The following ABLIM2 variants were observed in gnomAD, a reference collection of about 807,000 sequenced individuals.
The protein encoded by ABLIM2 is actin binding LIM protein family member 2, also known as actin-binding LIM protein 2.
Under a neutral mutation model 97.7 loss-of-function variants are expected in ABLIM2, and 53 were observed. That is an observed-to-expected ratio of 0.54 (90% CI 0.44 to 0.68). ABLIM2 has a LOEUF of 0.68. Ranked by LOEUF, ABLIM2 falls within the 30% of genes least tolerant of loss-of-function variation. The probability of loss-of-function intolerance (pLI) is 0.00; values close to 1 mark genes in which losing one functional copy is unlikely to be tolerated. For missense variants in ABLIM2, 835 were observed against 867.2 expected, an observed-to-expected ratio of 0.96 and a Z score of 0.47; for synonymous variants, 361 against 345.8, an observed-to-expected ratio of 1.04 and a Z score of -0.49.
At position 8,044,017 on chromosome 4, in the gene ABLIM2, C is replaced by T. The variant is rs575854546; in HGVS notation, c.900+1147G>A. 1.8e-4 allele frequency among the ~76,000 whole-genome samples: 27 copies of T among 152,306 alleles called. No homozygotes were observed. The East Asian group carries it at 4.3e-3, about 24-fold the overall frequency. On this transcript the variant is annotated intron_variant, in intron 9 of 20. Transcript: ENST00000447017. The surrounding 1 kb of genome is among the most constrained non-coding windows in gnomAD (Gnocchi z 4.4). ...CCACTCACTCTCCAGGCCAGCAGTG[C>T]GTCATGGTAACTGAGGACTCGTGCA... is the stretch of plus-strand genomic sequence containing the variant.
chr4:8,029,826 A>C (rs1033655873), intron 10 of ABLIM2, 50 bp from the exon 11 acceptor site: 3 of 1,538,630 alleles, frequency 1.9e-6, no homozygotes, highest in Non-Finnish European at 2.6e-6. Context: ...AGCACTTCCC[A>C]CCCCTTGTCC....
rs1845866923 is a variant in ABLIM2 at position 8,122,353 on chromosome 4, G to A, written c.11-15716C>T. 6.6e-6 allele frequency among the ~76,000 whole-genome samples: 1 copy of A among 152,158 alleles called. No homozygotes were observed. Among genetic ancestry groups the A allele is most frequent in the South Asian group, 2.1e-4 (1 of 4,832 alleles). On this transcript the variant is annotated intron_variant, in intron 1 of 20. Transcript: ENST00000447017. The surrounding 1 kb of genome is among the most constrained non-coding windows in gnomAD (Gnocchi z 4.1). ...ACACCCTCTGTCCTGGTCCATGTGG[G>A]CTGCCAGAACAATACCAGATGTGGT...
chr4:8,010,255 G>C (rs1242130518), intron 14 of ABLIM2, among the ~76,000 whole-genome samples: 2 of 152,202 alleles, frequency 1.3e-5, no homozygotes, highest in African/African-American at 2.4e-5. Flanking sequence ...AATCACACAA[G>C]GCCATGCTGA....
rs943990713 is a variant in ABLIM2 at position 8,083,582 on chromosome 4, G to A, written c.455-2780C>T. Among the ~76,000 whole-genome samples the A allele has an allele frequency of 6.6e-6, 1 of 152,196 alleles. No individual in the cohort carries two copies. The highest frequency in any genetic ancestry group is 2.4e-5 in the African/African-American group (1 of 41,454). The stretch of plus-strand genomic sequence containing the variant: ...CCTCATTCTCCTATCAGCAGTACAC[G>A]TGGAGATGAGAGCAAGGTGCAAAAG... On this transcript the variant is annotated intron_variant, in intron 4 of 20. Transcript: ENST00000447017. The surrounding 1 kb of genome is among the most constrained non-coding windows in gnomAD (Gnocchi z 4.6).
rs563410885 is a variant in ABLIM2 at position 7,970,919 on chromosome 4, G to A, written c.1825-3816C>T. ...AGGACTTGGGGCCAGGGGTCTAGGG[G>A]GCTGACAGGGACCACCTCCCCGCAG... On this transcript the variant is annotated intron_variant, in intron 20 of 20. Coordinates refer to ENST00000447017, the MANE Select transcript of ABLIM2 (RefSeq NM_001130083.2). The surrounding 1 kb of genome is among the most constrained non-coding windows in gnomAD (Gnocchi z 5.3). Among the ~76,000 whole-genome samples, 324 of 152,158 alleles carry A rather than the reference G, an allele frequency of 2.1e-3. 2 individuals carry two copies. Among genetic ancestry groups the A allele is most frequent in the Non-Finnish European group, 3.8e-3 (260 of 67,968 alleles).
intron 8 of ABLIM2, among the ~76,000 whole-genome samples, chr4:8,053,715 G>A (rs546878774): frequency 2.2e-4 from 33 of 152,274 alleles, no homozygotes; most frequent in South Asian, 4.2e-4. Context: ...GAGGTGGGGC[G>A]TTTGGGAAGT....
intron 4 of ABLIM2, among the ~76,000 whole-genome samples, chr4:8,084,171 G>A (rs1009712438): frequency 1.3e-5 from 2 of 152,238 alleles, no homozygotes; most frequent in Non-Finnish European, 2.9e-5. Flanking sequence ...TTAGGAACCT[G>A]TACTGAGGAA....
At chr4:8,133,067 C>T (rs1169633322) in intron 1 of ABLIM2, among the ~76,000 whole-genome samples, 5 of 152,180 alleles carry the variant, frequency 3.3e-5, no homozygotes, top group African/African-American at 1.2e-4. Context: ...CTGGCCTCTT[C>T]CCGCTTCTGC....
chr4:8,042,678 A>G (rs1403985839), intron 9 of ABLIM2, among the ~76,000 whole-genome samples: 1 of 152,118 alleles, frequency 6.6e-6, no homozygotes, highest in African/African-American at 2.4e-5. Context: ...CGTCTCTACT[A>G]AAAATACAAA....
At position 8,113,675 on chromosome 4, in the gene ABLIM2, A is replaced by G. The variant is rs1841417192; in HGVS notation, c.11-7038T>C. On this transcript the variant is annotated intron_variant, in intron 1 of 20. Coordinates refer to ENST00000447017, the MANE Select transcript of ABLIM2 (RefSeq NM_001130083.2). This position sits in a 1 kb window ranked among gnomAD's most constrained non-coding sequence, Gnocchi z 4.5. ...TCATCGGAGGCCCGCTCCATCCGCC[A>G]AGATGATTTCAGAAAGCTCCCCGTC... is the stretch of plus-strand genomic sequence containing the variant. 6.6e-6 allele frequency among the ~76,000 whole-genome samples: 1 copy of G among 152,202 alleles called. No homozygotes were observed. The highest frequency in any genetic ancestry group is 2.4e-5 in the African/African-American group (1 of 41,448).
intron 7 of ABLIM2, among the ~76,000 whole-genome samples, chr4:8,055,704 G>A (rs1409231225): frequency 3.9e-5 from 6 of 152,330 alleles, no homozygotes; most frequent in South Asian, 2.1e-4. Flanking sequence ...ATGGCGGCTC[G>A]TTTCTAGGGA....
In ABLIM2 at chr4:8,122,118, T is replaced by G. The variant is rs1845746992; in HGVS notation, c.11-15481A>C. 6.6e-6 allele frequency among the ~76,000 whole-genome samples: 1 copy of G among 152,180 alleles called. No individual in the cohort carries two copies. The highest frequency in any genetic ancestry group is 2.4e-5 in the African/African-American group (1 of 41,448). ...TGACAATATGCCCCCAAGCATATAC[T>G]GGCCACACCTCAGCTGCAACCCACT... On this transcript the variant is annotated intron_variant, in intron 1 of 20. Coordinates refer to ENST00000447017, the MANE Select transcript of ABLIM2 (RefSeq NM_001130083.2). This position sits in a 1 kb window ranked among gnomAD's most constrained non-coding sequence, Gnocchi z 4.1.
In ABLIM2 at chr4:8,128,428, GCCTGCAGCTCGCAAGGCC is replaced by G. The variant is rs1420757098; in HGVS notation, c.11-21809_11-21792del. Among the ~76,000 whole-genome samples the G allele has an allele frequency of 6.6e-6, 1 of 152,246 alleles. No homozygotes were observed. Among genetic ancestry groups the G allele is most frequent in the Non-Finnish European group, 1.5e-5 (1 of 68,042 alleles). On this transcript the variant is annotated intron_variant, in intron 1 of 20. Coordinates refer to ENST00000447017, the MANE Select transcript of ABLIM2 (RefSeq NM_001130083.2). The surrounding 1 kb of genome is among the most constrained non-coding windows in gnomAD (Gnocchi z 4.9). The stretch of plus-strand genomic sequence containing the variant: ...TTGCACCTGCACACCCAGTACAGCT[GCCTGCAGCTCGCAAGGCC>G]CCTGCATACCGAAACATGGCTAGCA...
rs1561325812 is a variant in ABLIM2 at position 8,091,349 on chromosome 4, A to AT, written c.339-3066dup. Among the ~76,000 whole-genome samples, 27 of 19,208 alleles carry AT rather than the reference A, an allele frequency of 1.4e-3. 1 individual carries two copies. The highest frequency in any genetic ancestry group is 2.4e-3 in the Non-Finnish European group (22 of 9,308). 12.6% of individuals were successfully genotyped at this position (19,208 alleles called of 152,430 possible). A position where few individuals can be genotyped will look rare whatever the true frequency, so the allele number is the denominator to read the frequency against. The stretch of plus-strand genomic sequence containing the variant: ...TATATATTATATATATAATATATAT[A>AT]TAATTATATATATATTATATTACAT... On this transcript the variant is annotated intron_variant, in intron 3 of 20. Transcript: ENST00000447017.
intron 6 of ABLIM2, among the ~76,000 whole-genome samples, chr4:8,062,533 A>AG (rs1803988846): frequency 6.7e-6 from 1 of 150,168 alleles, no homozygotes; most frequent in African/African-American, 2.5e-5. Context: ...TCTGCCCCCC[A>AG]GGTTCACACC....
chr4:8,101,157 G>A (rs752277111), intron 2 of ABLIM2, among the ~76,000 whole-genome samples: 32 of 152,346 alleles, frequency 2.1e-4, no homozygotes, highest in Admixed American at 9.1e-4. Context: ...GAGAACCCCA[G>A]GGGCCTGAGT....
chr4:8,071,701 A>G lies in ABLIM2; in HGVS notation c.675+5927T>C. On this transcript the variant is annotated intron_variant, in intron 6 of 20. Coordinates refer to ENST00000447017, the MANE Select transcript of ABLIM2 (RefSeq NM_001130083.2). The surrounding 1 kb of genome is among the most constrained non-coding windows in gnomAD (Gnocchi z 6.2). ...CTGCTCTGTCCCCAAAAACCCACCCACCCGCAGCCCCTCCTGGCCCCTGTG... is the reference window on the plus strand; with the variant it reads ...CTGCTCTGTCCCCAAAAACCCACCCGCCCGCAGCCCCTCCTGGCCCCTGTG... 1 of 494,394 alleles carries G rather than the reference A, an allele frequency of 2.0e-6. No individual in the cohort carries two copies. The highest frequency in any genetic ancestry group is 2.6e-6 in the Non-Finnish European group (1 of 391,990). 30.6% of individuals were successfully genotyped at this position (494,394 alleles called of 1,614,324 possible). A position where few individuals can be genotyped will look rare whatever the true frequency, so the allele number is the denominator to read the frequency against.
chr4:7,983,750 GGGAAACCAGAGCA>G (rs1740974610), intron 18 of ABLIM2, among the ~76,000 whole-genome samples, 196 bp from the exon 19 acceptor site: 1 of 151,888 alleles, frequency 6.6e-6, no homozygotes. Flanking sequence ...GGCCTCCCCC[GGGAAACCAGAGCA>G]GGAGGCATGG....
chr4:8,026,034 G>T (rs1777101021), intron 12 of ABLIM2, among the ~76,000 whole-genome samples: 1 of 152,186 alleles, frequency 6.6e-6, no homozygotes, highest in African/African-American at 2.4e-5. Context: ...CTGAGACAGG[G>T]TCTTACTCTG....
Sources: gnomAD v4.1 joint callset for allele counts (sites outside exome capture counted in the v4.1 genomes callset) on GRCh38, gnomAD v4.1.1 for gene constraint, Gnocchi (gnomAD v3.1) non-coding constraint, MANE v1.5 for transcripts, NCBI Gene and HGNC (gene_info 2026-07-23, HGNC 2026-07-21) for gene names.